RYR2: variants seen among roughly 807,000 people sequenced by gnomAD.
The protein encoded by RYR2 is ryanodine receptor 2.
A neutral mutation model predicts 601.1 loss-of-function variants in RYR2; 227 were observed. The ratio of observed to expected loss-of-function variants is 0.38; its 90% confidence interval spans 0.34 to 0.42. The LOEUF (loss-of-function observed/expected upper bound fraction) is 0.42, where lower values mean the gene tolerates loss of function less well. Ranked by LOEUF, RYR2 falls within the 10% of genes least tolerant of loss-of-function variation. RYR2 has a pLI of 1.00. For synonymous variants in RYR2, 2,223 were observed against 2,175.1 expected, an observed-to-expected ratio of 1.02 and a Z score of -0.61; for missense variants, 4,646 against 6,156.5, an observed-to-expected ratio of 0.75 and a Z score of 8.21.
At chr1:237,693,500 A>G (rs978093703) in intron 63 of RYR2, among the ~76,000 whole-genome samples, 9 of 152,224 alleles carry the variant, frequency 5.9e-5, no homozygotes, top group Non-Finnish European at 1.3e-4. Flanking sequence ...AATTAATCAC[A>G]TAGGTACATC....
At chr1:237,126,741 G>A (rs1420823986) in intron 1 of RYR2, among the ~76,000 whole-genome samples, 3 of 152,054 alleles carry the variant, frequency 2.0e-5, no homozygotes, top group Non-Finnish European at 4.4e-5. Flanking sequence ...CCTGTGTAAA[G>A]ACTTATGGAA....
chr1:237,485,463 T>A (rs1295985613), intron 17 of RYR2, among the ~76,000 whole-genome samples: 1 of 152,210 alleles, frequency 6.6e-6, no homozygotes, highest in African/African-American at 2.4e-5. Flanking sequence ...AAAATGTGAA[T>A]GTGCTTGTTA....
intron 1 of RYR2, among the ~76,000 whole-genome samples, chr1:237,140,410 T>C (rs1401693291): frequency 6.6e-6 from 1 of 152,218 alleles, no homozygotes; most frequent in Non-Finnish European, 1.5e-5. Flanking sequence ...TCATCACAAA[T>C]TAAGTTGTGA....
Position 237,321,939 on chromosome 1 carries a change from T to C in RYR2, c.169-8939T>C, listed in dbSNP as rs113400131. ...ATGTGATTTTTAAGCAGTAAGTACC[T>C]ATAAGGAAGTGGACTATAGGGCAGG... On this transcript the variant is annotated intron_variant, in intron 2 of 104. Transcript: ENST00000366574. Among the ~76,000 whole-genome samples the C allele has an allele frequency of 5.4e-3, 823 of 152,256 alleles. 12 individuals are homozygous for C. Among genetic ancestry groups the C allele is most frequent in the African/African-American group, 0.019 (784 of 41,544 alleles).
At chr1:237,202,359 A>C (rs1358300917) in intron 1 of RYR2, among the ~76,000 whole-genome samples, 1 of 152,154 alleles carries the variant, frequency 6.6e-6, no homozygotes, top group Admixed American at 6.6e-5. Flanking sequence ...GCAAAATCTC[A>C]ATTTCCCTCA....
intron 80 of RYR2, among the ~76,000 whole-genome samples, chr1:237,748,646 G>A (rs761865903): frequency 3.3e-5 from 5 of 152,162 alleles, no homozygotes; most frequent in African/African-American, 9.7e-5. Context: ...GGGCTGGGGG[G>A]TCCTGGCCTT....
intron 1 of RYR2, among the ~76,000 whole-genome samples, chr1:237,174,214 G>T (rs1324077762): frequency 2.0e-5 from 3 of 152,172 alleles, no homozygotes; most frequent in African/African-American, 7.2e-5. Context: ...AAGGTGTATA[G>T]TGAGGTTAGA....
chr1:237,588,709 T>C (rs142996997), intron 29 of RYR2, among the ~76,000 whole-genome samples: 58 of 152,224 alleles, frequency 3.8e-4, no homozygotes, highest in African/African-American at 1.3e-3. Context: ...GGCGTGCACC[T>C]GTAGTCTCAG....
chr1:237,102,142 GC>G (rs1668172140), intron 1 of RYR2, among the ~76,000 whole-genome samples: 2 of 152,244 alleles, frequency 1.3e-5, no homozygotes, highest in East Asian at 3.9e-4. Flanking sequence ...GTAGACTGGG[GC>G]TGAGATGAGC....
At chr1:237,149,022 T>C (rs1178172849) in intron 1 of RYR2, among the ~76,000 whole-genome samples, 1 of 152,212 alleles carries the variant, frequency 6.6e-6, no homozygotes, top group Non-Finnish European at 1.5e-5. Context: ...GAATGAATTT[T>C]CCTCTTCGAG....
At chr1:237,515,303 G>A (rs913770539) in intron 24 of RYR2, among the ~76,000 whole-genome samples, 2 of 152,116 alleles carry the variant, frequency 1.3e-5, no homozygotes, top group East Asian at 3.8e-4. Context: ...AGAAATAATT[G>A]ATATAAGGAT....
chr1:237,586,015 A>T (rs1674483811), intron 29 of RYR2, among the ~76,000 whole-genome samples: 1 of 152,362 alleles, frequency 6.6e-6, no homozygotes, highest in African/African-American at 2.4e-5. Flanking sequence ...AAGAACTGAG[A>T]TGATAGTGTA....
chr1:237,745,416 G>A (rs147678739), intron 80 of RYR2, among the ~76,000 whole-genome samples: 1 of 152,286 alleles, frequency 6.6e-6, no homozygotes, highest in Non-Finnish European at 1.5e-5. Context: ...GTAAAGAACT[G>A]ATTTCCTAAG....
At chr1:237,334,414 A>G (rs1404750309) in intron 3 of RYR2, among the ~76,000 whole-genome samples, 2 of 149,434 alleles carry the variant, frequency 1.3e-5, no homozygotes, top group African/African-American at 4.9e-5. Context: ...ATCTAAGTGG[A>G]TTTTCTAAAA....
intron 1 of RYR2, among the ~76,000 whole-genome samples, chr1:237,179,972 G>T (rs1209769512): frequency 6.6e-6 from 1 of 152,104 alleles, no homozygotes; most frequent in Non-Finnish European, 1.5e-5. Flanking sequence ...GCAGAGCAAG[G>T]TTTCAGATTG....
At chr1:237,331,207 C>T (rs866609429) in intron 3 of RYR2, among the ~76,000 whole-genome samples, 13 of 152,114 alleles carry the variant, frequency 8.5e-5, no homozygotes, top group African/African-American at 2.9e-4. Flanking sequence ...CACTAGGCCT[C>T]GTGCTTATGT....
intron 28 of RYR2, among the ~76,000 whole-genome samples, 159 bp downstream of exon 28, chr1:237,566,934 T>C (rs1559039242): frequency 2.0e-5 from 3 of 152,196 alleles, no homozygotes; most frequent in Non-Finnish European, 4.4e-5. Context: ...TCAAAACCCT[T>C]CCCTACAACC....
chr1:237,826,382 G>A (rs918858921), intron 101 of RYR2, among the ~76,000 whole-genome samples: 5 of 152,110 alleles, frequency 3.3e-5, no homozygotes, highest in Admixed American at 2.0e-4. Context: ...GGATGAAGCT[G>A]GAAACCATCA....
chr1:237,359,413 C>T (rs1488574175), intron 4 of RYR2, among the ~76,000 whole-genome samples: 1 of 152,138 alleles, frequency 6.6e-6, no homozygotes, highest in Non-Finnish European at 1.5e-5. Context: ...TGTAAATCCC[C>T]TTCGGAGACT....
Sources: allele counts gnomAD v4.1 joint callset (sites outside exome capture counted in the v4.1 genomes callset), GRCh38; gene constraint gnomAD v4.1.1; transcripts MANE v1.5; gene names NCBI Gene and HGNC (gene_info 2026-07-23, HGNC 2026-07-21).